Variants in TAF1B observed in about 807,000 individuals in gnomAD.
The protein encoded by TAF1B is TATA-box binding protein associated factor, RNA polymerase I subunit B.
TAF1B carries 61 observed loss-of-function variants against 83.9 expected under a neutral mutation model. The ratio of observed to expected loss-of-function variants is 0.73; its 90% confidence interval spans 0.59 to 0.90. The LOEUF is 0.90. Among genes scored for constraint, TAF1B ranks in the 40% least tolerant of loss-of-function variants. The pLI, the probability that TAF1B is intolerant of heterozygous loss-of-function variation, is 0.00. For synonymous variants in TAF1B, 221 were observed against 224.6 expected (o/e 0.98, Z 0.14); for missense variants, 625 against 677.0 (o/e 0.92, Z 0.85).
rs564981105 is a variant in TAF1B at position 9,872,347 on chromosome 2, C to G, written c.554-3518C>G. Among the ~76,000 whole-genome samples, 3 of 150,222 alleles carry G rather than the reference C, an allele frequency of 2.0e-5. No individual in the cohort carries two copies. The South Asian group carries it at 6.3e-4, about 32-fold the overall frequency. On this transcript the variant is annotated intron_variant, in intron 6 of 14. Transcript: ENST00000263663. ...TCTTAAAAAAAAAAAAAAAAAGAATCTGGATGTCTAACTGCTTCTTAATCT... is the reference window on the plus strand; with the variant it reads ...TCTTAAAAAAAAAAAAAAAAAGAATGTGGATGTCTAACTGCTTCTTAATCT...
intron 2 of TAF1B, chr2:9,846,259 C>T (rs1228549652): frequency 2.7e-6 from 1 of 375,210 alleles, no homozygotes; most frequent in Non-Finnish European, 5.3e-6. Context: ...TCATATTGTC[C>T]TGTGTAACCT....
intron 9 of TAF1B, among the ~76,000 whole-genome samples, chr2:9,908,875 T>C (rs1366721709): frequency 6.6e-6 from 1 of 152,246 alleles, no homozygotes; most frequent in African/African-American, 2.4e-5. Context: ...TGTAGCATAC[T>C]GCATTCTCAT....
chr2:9,892,340 C>G (rs1426639735), intron 8 of TAF1B, among the ~76,000 whole-genome samples: 2 of 152,152 alleles, frequency 1.3e-5, no homozygotes, highest in Non-Finnish European at 2.9e-5. Context: ...ATGCATTTCT[C>G]AGAAAGTATC....
At chr2:9,918,132 C>T (rs1433539243) in intron 12 of TAF1B, among the ~76,000 whole-genome samples, 1 of 151,800 alleles carries the variant, frequency 6.6e-6, no homozygotes, top group Non-Finnish European at 1.5e-5. Context: ...TTCTTGTTGC[C>T]ACAGTGTCTT....
intron 8 of TAF1B, among the ~76,000 whole-genome samples, chr2:9,887,550 G>T (rs994193999): frequency 6.6e-5 from 10 of 151,594 alleles, no homozygotes; most frequent in Non-Finnish European, 1.5e-4. Context: ...GCCACTCCAA[G>T]TTTTTTTTAT....
At chr2:9,852,199 A>G (rs749298490) in intron 4 of TAF1B, 1 of 294,042 alleles carries the variant, frequency 3.4e-6, no homozygotes, top group Non-Finnish European at 6.7e-6. Context: ...AAGAATGTGC[A>G]TTTCTAACAA....
At chr2:9,927,638 T>C (rs1018105536) in intron 14 of TAF1B, among the ~76,000 whole-genome samples, 11 of 152,272 alleles carry the variant, frequency 7.2e-5, no homozygotes, top group African/African-American at 2.7e-4. Context: ...TGAGCATTTT[T>C]TCATGTGTCT....
At chr2:9,911,485 A>T in intron 10 of TAF1B, 26 bp from the exon 11 acceptor site, 2 of 1,486,978 alleles carry the variant, frequency 1.3e-6, no homozygotes, top group South Asian at 2.6e-5. Flanking sequence ...TTCTAAATAA[A>T]TTGATTTGTT....
intron 2 of TAF1B, chr2:9,845,999 C>G (rs1663195961): frequency 4.3e-6 from 2 of 460,764 alleles, no homozygotes; most frequent in Non-Finnish European, 9.0e-6. Flanking sequence ...AGAAAGAAAG[C>G]TTGAGGACTG....
intron 1 of TAF1B, 151 bp downstream of exon 1, chr2:9,843,710 T>C (rs1167961668): frequency 3.4e-6 from 3 of 881,872 alleles, no homozygotes; most frequent in South Asian, 4.0e-5. Context: ...GGCTAAGGAC[T>C]GGGGCTGGCC....
At chr2:9,921,444 C>T (rs916527061) in intron 14 of TAF1B, among the ~76,000 whole-genome samples, 1 of 152,174 alleles carries the variant, frequency 6.6e-6, no homozygotes, top group Non-Finnish European at 1.5e-5. Context: ...TAGTGAAGAA[C>T]ATATTACTCC....
Position 9,925,913 on chromosome 2 carries a change from G to A in TAF1B, c.1565+6093G>A, listed in dbSNP as rs557954072. Among the ~76,000 whole-genome samples, 20 of 152,174 alleles carry A rather than the reference G, an allele frequency of 1.3e-4. No individual in the cohort carries two copies. In the East Asian group the frequency reaches 3.7e-3, roughly 28 times the overall value. On this transcript the variant is annotated intron_variant, in intron 14 of 14. Transcript: ENST00000263663. ...TTATGGTGCAAACATAGACATTCAGGAATTTAGGGCCGTATATATTATGTA... is the reference window on the plus strand; with the variant it reads ...TTATGGTGCAAACATAGACATTCAGAAATTTAGGGCCGTATATATTATGTA...
At chr2:9,886,432 T>G (rs1664675994) in intron 8 of TAF1B, among the ~76,000 whole-genome samples, 1 of 152,246 alleles carries the variant, frequency 6.6e-6, no homozygotes, top group Admixed American at 6.5e-5. Context: ...TGGTATTTTA[T>G]AATTTCAGTT....
chr2:9,861,290 A>G (rs1663746632), intron 5 of TAF1B, among the ~76,000 whole-genome samples: 1 of 152,250 alleles, frequency 6.6e-6, no homozygotes, highest in African/African-American at 2.4e-5. Flanking sequence ...ACGGCACACC[A>G]GGAGATTATA....
chr2:9,891,454 A>C (rs1485245448), intron 8 of TAF1B, among the ~76,000 whole-genome samples: 1 of 152,232 alleles, frequency 6.6e-6, no homozygotes, highest in Non-Finnish European at 1.5e-5. Context: ...TTTCTGGGAT[A>C]CATGTGATAA....
chr2:9,893,934 C>T (rs901290977), intron 8 of TAF1B, among the ~76,000 whole-genome samples: 1 of 152,062 alleles, frequency 6.6e-6, no homozygotes, highest in Non-Finnish European at 1.5e-5. Context: ...GGCTTCATAG[C>T]TTACAGATAT....
chr2:9,845,285 A>G lies in TAF1B; in HGVS notation c.84A>G (p.Lys28=). The part of the protein sequence containing the change: ...AVSWGLTDEG[K]YYCTSCHNVT... The stretch of plus-strand genomic sequence containing the variant: ...CATGGGGTCTTACTGATGAAGGCAA[A>G]TATTATTGCACTTCTTGCCACAATG... Residue 28 remains lysine (K), a synonymous_variant, in exon 2 of 15, where the codon AAA becomes AAG. Transcript: ENST00000263663. 1.2e-6 allele frequency: 2 copies of G among 1,613,858 alleles called. No homozygotes were observed. Among genetic ancestry groups the G allele is most frequent in the Non-Finnish European group, 1.7e-6 (2 of 1,179,822 alleles).
chr2:9,919,689 C>G lies in TAF1B; in HGVS notation c.1434C>G (p.Asn478Lys), dbSNP rs758143623. The change falls in exon 14 of 15, where the codon AAC becomes AAG. Residue 478 changes from asparagine (N) to lysine (K), a missense_variant. Transcript: ENST00000263663. ...AAAGCCCTTCAAGTTTTCAGTTCAA[C>G]TGGACTGAAGAGGACACTGATAGAA... ...GKKSPSSFQF[N>K]WTEEDTDRTC... is the part of the protein sequence containing the mutation. 6.2e-7 allele frequency: 1 copy of G among 1,614,142 alleles called. No individual in the cohort carries two copies. Among genetic ancestry groups the G allele is most frequent in the Non-Finnish European group, 8.5e-7 (1 of 1,179,978 alleles).
At chr2:9,894,838 A>AT (rs1664969647) in intron 8 of TAF1B, among the ~76,000 whole-genome samples, 1 of 152,192 alleles carries the variant, frequency 6.6e-6, no homozygotes, top group Non-Finnish European at 1.5e-5. Context: ...AATAGAAATT[A>AT]TTTTGAGATT....
Sources: allele counts gnomAD v4.1 joint callset (sites outside exome capture counted in the v4.1 genomes callset), GRCh38; gene constraint gnomAD v4.1.1; transcripts MANE v1.5; gene names NCBI Gene and HGNC (gene_info 2026-07-23, HGNC 2026-07-21).